The following ESS2 variants were observed in gnomAD, a reference collection of about 807,000 sequenced individuals.
ESS2 encodes the protein splicing factor ESS-2 homolog.
In ESS2, 31 loss-of-function variants were observed where a neutral mutation model predicts 52.0. The observed-to-expected ratio is 0.60, with a 90% CI of 0.45 to 0.81. The LOEUF is 0.81. Ranked by LOEUF, ESS2 falls within the 30% of genes least tolerant of loss-of-function variation. ESS2 has a pLI of 0.00. For missense variants in ESS2, 602 were observed against 637.2 expected (o/e 0.94, Z 0.59); for synonymous variants, 285 against 259.2 (o/e 1.10, Z -0.95).
In ESS2 at chr22:19,142,905, AGATCAGAATGAAAG is replaced by A. The variant is rs2083715817; in HGVS notation, c.136-25_136-12del. ...GACCGTCTGGAGGCCCTGCAAGGAG[AGATCAGAATGAAAG>A]TCAGAGGCCAGGCGCGGTGGCTCAC... On this transcript the variant is annotated splice_polypyrimidine_tract_variant and intron_variant, in intron 1 of 9. Transcript: ENST00000252137. The A allele has an allele frequency of 6.2e-7, 1 of 1,608,882 alleles. No homozygotes were observed. Among genetic ancestry groups the A allele is most frequent in the Non-Finnish European group, 8.5e-7 (1 of 1,177,624 alleles).
chr22:19,139,337 A>C, intron 5 of ESS2, 45 bp from the exon 6 acceptor site: 2 of 1,528,368 alleles, frequency 1.3e-6, no homozygotes, highest in Non-Finnish European at 1.8e-6. Context: ...GAAGGGCAGC[A>C]GCCTAAGGAG....
chr22:19,134,081 T>C lies in ESS2; in HGVS notation c.*115A>G. ...CCCCTTTCTCCAGTGACTCCTGGTA[T>C]GGTCAACAGCTTCTGGCCCAGGCCT... is the stretch of plus-strand genomic sequence containing the variant. On this transcript the variant is annotated 3_prime_UTR_variant, in exon 10 of 10. Transcript: ENST00000252137. The C allele has an allele frequency of 8.0e-7, 1 of 1,257,812 alleles. No individual in the cohort carries two copies. Among genetic ancestry groups the C allele is most frequent in the Non-Finnish European group, 1.0e-6 (1 of 972,726 alleles). The allele number at this position is 1,257,812 out of a possible 1,614,324, so 77.9% of individuals were successfully genotyped here. A position where few individuals can be genotyped will look rare whatever the true frequency, so the allele number is the denominator to read the frequency against.
intron 3 of ESS2, among the ~76,000 whole-genome samples, chr22:19,140,701 G>A (rs1260383707): frequency 1.3e-5 from 2 of 152,196 alleles, no homozygotes; most frequent in African/African-American, 2.4e-5. Context: ...CACCTGGAGA[G>A]CTCTGCCTTC....
rs760009405 is a variant in ESS2 at position 19,139,619 on chromosome 22, A to G, written c.681T>C (p.Tyr227=). Residue 227 remains tyrosine, a synonymous_variant, in exon 5 of 10, where the codon TAT becomes TAC. Coordinates refer to ENST00000252137, the MANE Select transcript of ESS2 (RefSeq NM_022719.3). ...KYKAKNSLMY[Y]PEGVPDEEQL... is the part of the protein sequence containing the mutation. Reference sequence around the variant, plus strand: ...GCGAGGCCCGCCACTTACCCTCTGGATAGTACATGAGGGAATTCTTGGCCT... The same window carrying G: ...GCGAGGCCCGCCACTTACCCTCTGGGTAGTACATGAGGGAATTCTTGGCCT... The G allele has an allele frequency of 3.1e-6, 5 of 1,613,328 alleles. No individual in the cohort carries two copies. The South Asian group carries it at 4.4e-5, about 14-fold the overall frequency.
intron 8 of ESS2, among the ~76,000 whole-genome samples, chr22:19,136,112 G>C (rs1055254037): frequency 1.4e-4 from 22 of 151,826 alleles, no homozygotes; most frequent in African/African-American, 5.3e-4. Flanking sequence ...GGCTGAGGTG[G>C]GTGGATCACG....
rs1408770768 is a variant in ESS2 at position 19,142,788 on chromosome 22, C to T, written c.242G>A (p.Arg81His). The T allele has an allele frequency of 3.7e-6, 6 of 1,614,138 alleles. No individual in the cohort carries two copies. Among genetic ancestry groups the T allele is most frequent in the South Asian group, 1.1e-5 (1 of 91,086 alleles). ...AEENGDLERM[R>H]QIAIKFGSAL... The stretch of plus-strand genomic sequence containing the variant: ...AGAGCCAAACTTGATGGCAATCTGG[C>T]GCATCCGTTCCAAGTCTCCATTCTC... The change falls in exon 2 of 10, where the codon CGC (arginine) becomes CAC (histidine). Residue 81 changes from arginine (R) to histidine (H), a missense_variant. Coordinates refer to ENST00000252137, the MANE Select transcript of ESS2 (RefSeq NM_022719.3).
At chr22:19,138,000 C>T (rs2083613817) in intron 7 of ESS2, 3 of 985,442 alleles carry the variant, frequency 3.0e-6, no homozygotes, top group South Asian at 9.4e-5. Flanking sequence ...ATGTCTCAGG[C>T]CAGGTCTGCC....
intron 8 of ESS2, 45 bp from the exon 9 acceptor site, chr22:19,135,220 A>C: frequency 6.7e-7 from 1 of 1,499,806 alleles, no homozygotes; most frequent in South Asian, 1.1e-5. Flanking sequence ...GGCCTGCCAC[A>C]CGCCAGGCAG....
Position 19,134,248 on chromosome 22 carries a change from G to C in ESS2, c.1379C>G (p.Thr460Arg). Residue 460 changes from threonine (T) to arginine (R), a missense_variant, in exon 10 of 10, where the codon ACG becomes AGG. Transcript: ENST00000252137. ...TPLTQDPASI[T>R]DNLLQLPARR... Reference sequence around the variant, plus strand: ...GGCAGGGAGCTGCAGCAGGTTGTCCGTGATGGAGGCCGGGTCCTGTGTGAG... The same window carrying C: ...GGCAGGGAGCTGCAGCAGGTTGTCCCTGATGGAGGCCGGGTCCTGTGTGAG... The C allele has an allele frequency of 6.4e-7, 1 of 1,556,004 alleles. No individual in the cohort carries two copies. The highest frequency in any genetic ancestry group is 8.7e-7 in the Non-Finnish European group (1 of 1,148,358).
At position 19,131,907 on chromosome 22, in the gene ESS2, A is replaced by G. The variant is rs761972241; in HGVS notation, c.*2289T>C. The G allele has an allele frequency of 6.2e-7, 1 of 1,614,088 alleles. No individual in the cohort carries two copies. The highest frequency in any genetic ancestry group is 1.7e-5 in the Admixed American group (1 of 60,022). ...CCTGCGGGACAGCAATGGGCGCATC[A>G]TCCTCAGCAAGACCTTCTGCGGGTC... is the stretch of plus-strand genomic sequence containing the variant. On this transcript the variant is annotated 3_prime_UTR_variant, in exon 10 of 10. Coordinates refer to ENST00000252137, the MANE Select transcript of ESS2 (RefSeq NM_022719.3). This position sits in a 1 kb window ranked among gnomAD's most constrained non-coding sequence, Gnocchi z 5.7.
rs2083503045 is a variant in ESS2 at position 19,131,265 on chromosome 22, T to C, written c.*2931A>G. 1 of 698,396 alleles carries C rather than the reference T, an allele frequency of 1.4e-6. No homozygotes were observed. Among genetic ancestry groups the C allele is most frequent in the Middle Eastern group, 2.5e-4 (1 of 4,048 alleles). 43.3% of individuals were successfully genotyped at this position (698,396 alleles called of 1,614,324 possible). The stretch of plus-strand genomic sequence containing the variant: ...GAAGTCACCCGGAGACAATGCTGAG[T>C]GTTCCACCCCTGAGTCGAAGCCCAG... On this transcript the variant is annotated 3_prime_UTR_variant, in exon 10 of 10. Coordinates refer to ENST00000252137, the MANE Select transcript of ESS2 (RefSeq NM_022719.3). The surrounding 1 kb of genome is among the most constrained non-coding windows in gnomAD (Gnocchi z 5.7).
chr22:19,131,694 C>T lies in ESS2; in HGVS notation c.*2502G>A. 1.2e-6 allele frequency: 2 copies of T among 1,614,096 alleles called. No individual in the cohort carries two copies. Among genetic ancestry groups the T allele is most frequent in the Non-Finnish European group, 1.7e-6 (2 of 1,179,978 alleles). ...GGAGCTTGGCGTCCAGGGCGACCTC[C>T]TCGAGTTCATCAAGTGCCAGGGAGC... On this transcript the variant is annotated 3_prime_UTR_variant, in exon 10 of 10. Coordinates refer to ENST00000252137, the MANE Select transcript of ESS2 (RefSeq NM_022719.3). This position sits in a 1 kb window ranked among gnomAD's most constrained non-coding sequence, Gnocchi z 5.7.
At chr22:19,141,970 A>T (rs9618486) in intron 3 of ESS2, among the ~76,000 whole-genome samples, 110 of 152,298 alleles carry the variant, frequency 7.2e-4, no homozygotes, top group African/African-American at 2.6e-3. Flanking sequence ...AGCCTGGGTG[A>T]CAGAGCGAGA....
intron 7 of ESS2, chr22:19,137,765 T>C: frequency 1.0e-6 from 1 of 985,346 alleles, no homozygotes; most frequent in South Asian, 4.7e-5. Flanking sequence ...CTGTGGTGCC[T>C]TCACATGCCC....
In ESS2 at chr22:19,134,307, G is replaced by A. The variant is rs1327959595; in HGVS notation, c.1320C>T (p.Ser440=). The change falls in exon 10 of 10, where the codon AGC becomes AGT. Residue 440 remains serine (S), a synonymous_variant. Transcript: ENST00000252137. ...GTGTGGCAGAGCCAGGCGCCGGTGT[G>A]CTTGTGGGGGTCTGCAGCCCACTGG... ...TPASGLQTPT[S]TPAPGSATRT... is the part of the protein sequence containing the mutation. 6.2e-7 allele frequency: 1 copy of A among 1,608,078 alleles called. No homozygotes were observed. Among genetic ancestry groups the A allele is most frequent in the Middle Eastern group, 1.7e-4 (1 of 6,004 alleles).
chr22:19,132,052 A>T lies in ESS2; in HGVS notation c.*2144T>A. ...GTCTGCGGCTCCATGCCCTATGACG[A>T]CTCCGACATCAGGAAGATGCTGCGT... is the stretch of plus-strand genomic sequence containing the variant. On this transcript the variant is annotated 3_prime_UTR_variant, in exon 10 of 10. Transcript: ENST00000252137. The surrounding 1 kb of genome is among the most constrained non-coding windows in gnomAD (Gnocchi z 4.2). 6.2e-7 allele frequency: 1 copy of T among 1,613,682 alleles called. No individual in the cohort carries two copies. The highest frequency in any genetic ancestry group is 1.1e-5 in the South Asian group (1 of 91,048).
Position 19,139,311 on chromosome 22 carries a change from G to T in ESS2, c.689-19C>A, listed in dbSNP as rs748856626. The T allele has an allele frequency of 1.3e-6, 2 of 1,565,916 alleles. No homozygotes were observed. Among genetic ancestry groups the T allele is most frequent in the Non-Finnish European group, 8.7e-7 (1 of 1,154,624 alleles). On this transcript the variant is annotated intron_variant, in intron 5 of 9. Coordinates refer to ENST00000252137, the MANE Select transcript of ESS2 (RefSeq NM_022719.3). Reference sequence around the variant, plus strand: ...GGGACACCTGGCAGACGAAGCAAAGGTAGCAGCAGGTGTCAGAAGGGCAGC... The same window carrying T: ...GGGACACCTGGCAGACGAAGCAAAGTTAGCAGCAGGTGTCAGAAGGGCAGC...
At chr22:19,136,784 C>A (rs901282604) in intron 8 of ESS2, among the ~76,000 whole-genome samples, 1 of 152,102 alleles carries the variant, frequency 6.6e-6, no homozygotes, top group Non-Finnish European at 1.5e-5. Flanking sequence ...TTTGTCTGGA[C>A]ATGGGTTACC....
chr22:19,138,293 C>T lies in ESS2; in HGVS notation c.847G>A (p.Asp283Asn), dbSNP rs781293974. The T allele has an allele frequency of 5.0e-6, 8 of 1,613,804 alleles. No individual in the cohort carries two copies. The highest frequency in any genetic ancestry group is 1.1e-5 in the South Asian group (1 of 91,058). ...AQHKQGKVGPDGKELIPQESP... is the reference protein window; with the variant it reads ...AQHKQGKVGPNGKELIPQESP... The stretch of plus-strand genomic sequence containing the variant: ...TCCTGGGGGATCAGCTCCTTGCCAT[C>T]GGGGCCCACCTTGCCCTGTTTGTGC... Residue 283 changes from aspartate to asparagine, a missense_variant, in exon 7 of 10, where the codon GAT becomes AAT. Coordinates refer to ENST00000252137, the MANE Select transcript of ESS2 (RefSeq NM_022719.3).
Sources: allele counts gnomAD v4.1 joint callset (sites outside exome capture counted in the v4.1 genomes callset), GRCh38; gene constraint gnomAD v4.1.1; non-coding constraint Gnocchi (gnomAD v3.1); transcripts MANE v1.5; gene names NCBI Gene and HGNC (gene_info 2026-07-23, HGNC 2026-07-21).